Variants in PKIA observed in about 807,000 individuals in gnomAD.
PKIA encodes the protein cAMP-dependent protein kinase inhibitor alpha.
PKIA carries 4 observed loss-of-function variants against 7.6 expected under a neutral mutation model. That is an observed-to-expected ratio of 0.52 (90% confidence interval 0.26 to 1.20). The LOEUF (loss-of-function observed/expected upper bound fraction) is 1.20, where lower values mean the gene tolerates loss of function less well. Among genes scored for constraint, PKIA ranks in the 50% most tolerant of loss-of-function variants. The pLI, the probability that PKIA is intolerant of heterozygous loss-of-function variation, is 0.13. For synonymous variants in PKIA, 21 were observed against 30.7 expected (o/e 0.68, Z 1.04); for missense variants, 73 against 86.2 (o/e 0.85, Z 0.61).
At chr8:78,538,670 T>C (rs1200333394) in intron 1 of PKIA, among the ~76,000 whole-genome samples, 3 of 151,986 alleles carry the variant, frequency 2.0e-5, no homozygotes, top group African/African-American at 7.2e-5. Flanking sequence ...TGGTGTGCGC[T>C]GAGGTAATAT....
rs1397892210 is a variant in PKIA, at chr8:78,542,233, A to G, written c.-157+25765A>G. On this transcript the variant is annotated intron_variant, in intron 1 of 3. Transcript: ENST00000396418. The stretch of plus-strand genomic sequence containing the variant: ...ACTTTGTTTTTGCTTCTACTACCAT[A>G]CTGCACTGCCCTAGTTTGAACTTAA... 5.3e-5 allele frequency among the ~76,000 whole-genome samples: 8 copies of G among 152,074 alleles called. No homozygotes were observed. The East Asian group carries it at 1.6e-3, about 29-fold the overall frequency.
At chr8:78,523,152 T>A (rs1809448778) in intron 1 of PKIA, among the ~76,000 whole-genome samples, 1 of 151,932 alleles carries the variant, frequency 6.6e-6, no homozygotes, top group South Asian at 2.1e-4. Flanking sequence ...TCTTATAATA[T>A]ATGTTTGAGT....
chr8:78,524,095 T>C (rs1412308419), intron 1 of PKIA, among the ~76,000 whole-genome samples: 1 of 130,788 alleles, frequency 7.6e-6, no homozygotes, highest in Non-Finnish European at 1.6e-5. Flanking sequence ...TAAACATTTA[T>C]ATTTATATAT....
intron 1 of PKIA, among the ~76,000 whole-genome samples, chr8:78,569,900 G>A (rs530043675): frequency 6.6e-6 from 1 of 152,212 alleles, no homozygotes; most frequent in African/African-American, 2.4e-5. Context: ...GAGTGGAGAT[G>A]ACAAAGCATA....
intron 2 of PKIA, among the ~76,000 whole-genome samples, chr8:78,579,750 T>C (rs1807762586): frequency 6.6e-6 from 1 of 152,082 alleles, no homozygotes; most frequent in Non-Finnish European, 1.5e-5. Flanking sequence ...AGTTACACCA[T>C]GGCTTCAATA....
At chr8:78,559,727 C>A (rs1480541587) in intron 1 of PKIA, among the ~76,000 whole-genome samples, 2 of 152,118 alleles carry the variant, frequency 1.3e-5, no homozygotes, top group African/African-American at 2.4e-5. Flanking sequence ...CAGCATAGTT[C>A]TTTTTATCTG....
intron 1 of PKIA, among the ~76,000 whole-genome samples, chr8:78,521,241 TTAAC>T (rs1809410880): frequency 6.6e-6 from 1 of 152,140 alleles, no homozygotes; most frequent in African/African-American, 2.4e-5. Context: ...GATGGACTTA[TTAAC>T]TGTCTCAATA....
intron 2 of PKIA, among the ~76,000 whole-genome samples, chr8:78,586,514 G>A (rs1382628697): frequency 6.6e-6 from 1 of 151,976 alleles, no homozygotes; most frequent in Non-Finnish European, 1.5e-5. Context: ...AACATCACCT[G>A]GATAATTAAA....
chr8:78,604,426 A>G lies in PKIA; in HGVS notation c.*2605A>G, dbSNP rs1808426000. ...TTTCCAGGGCACATGTCATAAAATT[A>G]GAGCCAACTGCAGAGCTGTAAGGGA... On this transcript the variant is annotated 3_prime_UTR_variant, in exon 4 of 4. Transcript: ENST00000396418. 1 of 152,006 alleles carries G rather than the reference A, an allele frequency of 6.6e-6. No homozygotes were observed. Among genetic ancestry groups the G allele is most frequent in the Non-Finnish European group, 1.5e-5 (1 of 67,938 alleles). 9.4% of individuals were successfully genotyped at this position (152,006 alleles called of 1,614,324 possible).
intron 1 of PKIA, among the ~76,000 whole-genome samples, chr8:78,552,822 T>C (rs1275340820): frequency 6.6e-6 from 1 of 151,964 alleles, no homozygotes; most frequent in Non-Finnish European, 1.5e-5. Flanking sequence ...TTAAGGCACT[T>C]AAAAAAGATT....
chr8:78,561,946 G>C (rs1335089995), intron 1 of PKIA, among the ~76,000 whole-genome samples: 2 of 152,014 alleles, frequency 1.3e-5, no homozygotes, highest in African/African-American at 4.8e-5. Context: ...TAGTTCTTCA[G>C]CAAATATTTA....
intron 1 of PKIA, among the ~76,000 whole-genome samples, chr8:78,546,014 C>T (rs1447726775): frequency 3.3e-5 from 5 of 151,968 alleles, no homozygotes. Context: ...TTTTGTGAGC[C>T]CAGGTTTGCT....
chr8:78,575,743 A>T (rs964532409), intron 2 of PKIA, among the ~76,000 whole-genome samples: 10 of 152,044 alleles, frequency 6.6e-5, no homozygotes, highest in Non-Finnish European at 1.3e-4. Context: ...AAAGTAACTC[A>T]GTCAAGTTGC....
intron 1 of PKIA, among the ~76,000 whole-genome samples, chr8:78,544,979 C>T (rs1320645827): frequency 1.3e-5 from 2 of 151,866 alleles, no homozygotes; most frequent in African/African-American, 4.8e-5. Context: ...GTCATATATT[C>T]TTTATTATTA....
chr8:78,560,342 T>C (rs1807256592), intron 1 of PKIA, among the ~76,000 whole-genome samples: 1 of 152,182 alleles, frequency 6.6e-6, no homozygotes, highest in Admixed American at 6.5e-5. Flanking sequence ...ACTCTAAGCT[T>C]TTTCCCCACC....
chr8:78,575,527 T>C (rs1324690446), intron 2 of PKIA, among the ~76,000 whole-genome samples: 1 of 152,030 alleles, frequency 6.6e-6, no homozygotes, highest in South Asian at 2.1e-4. Flanking sequence ...TATTATCCTG[T>C]TGATGTTATT....
intron 2 of PKIA, among the ~76,000 whole-genome samples, chr8:78,577,909 T>C (rs1456620939): frequency 1.3e-5 from 2 of 152,028 alleles, no homozygotes; most frequent in African/African-American, 4.8e-5. Context: ...TAAAATCTCC[T>C]ATCTGTCCAT....
At chr8:78,526,086 T>G (rs1457708733) in intron 1 of PKIA, among the ~76,000 whole-genome samples, 1 of 152,094 alleles carries the variant, frequency 6.6e-6, no homozygotes, top group Non-Finnish European at 1.5e-5. Context: ...ACTGACAATT[T>G]ACACAGCCAG....
intron 2 of PKIA, among the ~76,000 whole-genome samples, chr8:78,575,173 G>A (rs549192544): frequency 1.3e-5 from 2 of 151,976 alleles, no homozygotes; most frequent in East Asian, 3.9e-4. Context: ...TGTAAGTTAT[G>A]AAACATAATA....
Sources: gnomAD v4.1 joint callset for allele counts (sites outside exome capture counted in the v4.1 genomes callset) on GRCh38, gnomAD v4.1.1 for gene constraint, MANE v1.5 for transcripts, NCBI Gene and HGNC (gene_info 2026-07-23, HGNC 2026-07-21) for gene names.